IGF1R: variants seen among roughly 807,000 people sequenced by gnomAD.
IGF1R encodes the protein insulin-like growth factor 1 receptor.
IGF1R carries 44 observed loss-of-function variants against 144.6 expected under a neutral mutation model. The observed-to-expected ratio is 0.30, with a 90% CI of 0.24 to 0.39. The LOEUF (loss-of-function observed/expected upper bound fraction) is 0.39. Ranked by LOEUF, IGF1R falls within the 10% of genes least tolerant of loss-of-function variation. The pLI is 1.00. For missense variants in IGF1R, 1,355 were observed against 1,833.7 expected (o/e 0.74, Z 4.77); for synonymous variants, 795 against 722.8 (o/e 1.10, Z -1.60).
chr15:98,823,854 A>G (rs972429668), intron 2 of IGF1R, among the ~76,000 whole-genome samples: 1 of 152,168 alleles, frequency 6.6e-6, no homozygotes, highest in African/African-American at 2.4e-5. Context: ...AACAGCCACC[A>G]CAAAAACAAA....
intron 2 of IGF1R, among the ~76,000 whole-genome samples, chr15:98,780,567 AAAAAAAAAGAGAG>A (rs1203515259): frequency 3.2e-5 from 1 of 30,794 alleles, no homozygotes; most frequent in Non-Finnish European, 3.0e-4. Flanking sequence ...AAAAAAAAAA[AAAAAAAAAGAGAG>A]AGAGAGTAAA....
chr15:98,888,662 G>A (rs1029068896), intron 2 of IGF1R, among the ~76,000 whole-genome samples: 7 of 152,118 alleles, frequency 4.6e-5, no homozygotes, highest in African/African-American at 1.7e-4. Context: ...GAGTCATTGA[G>A]AGCCAATCCT....
chr15:98,808,770 C>G (rs1421169374), intron 2 of IGF1R, among the ~76,000 whole-genome samples: 1 of 150,944 alleles, frequency 6.6e-6, no homozygotes, highest in Non-Finnish European at 1.5e-5. Flanking sequence ...AGCTCAAAGT[C>G]CTGGGCTCAA....
At chr15:98,915,423 C>G (rs186389739) in intron 8 of IGF1R, among the ~76,000 whole-genome samples, 1 of 152,164 alleles carries the variant, frequency 6.6e-6, no homozygotes, top group African/African-American at 2.4e-5. Flanking sequence ...TTGCCTCTCC[C>G]CCATCCCTCT....
At chr15:98,663,516 T>TA (rs1201910535) in intron 1 of IGF1R, among the ~76,000 whole-genome samples, 1 of 152,232 alleles carries the variant, frequency 6.6e-6, no homozygotes, top group Non-Finnish European at 1.5e-5. Context: ...GGGCTAGGGT[T>TA]AAAACCCGTG....
intron 2 of IGF1R, among the ~76,000 whole-genome samples, chr15:98,784,768 A>G (rs1596302908): frequency 6.6e-6 from 1 of 152,290 alleles, no homozygotes; most frequent in East Asian, 1.9e-4. Flanking sequence ...AACTAGTATA[A>G]CAACTTTTTA....
At chr15:98,805,985 G>A (rs558996770) in intron 2 of IGF1R, among the ~76,000 whole-genome samples, 2 of 152,338 alleles carry the variant, frequency 1.3e-5, no homozygotes, top group South Asian at 4.1e-4. Context: ...GATGCGAGTA[G>A]CAGGTATGGG....
intron 15 of IGF1R, among the ~76,000 whole-genome samples, chr15:98,933,781 G>A (rs74032112): frequency 0.015 from 2,241 of 151,572 alleles, 73 homozygotes; most frequent in African/African-American, 0.051. Context: ...CCCTGGAAAC[G>A]CCTCTGCCCG....
chr15:98,756,967 A>G lies in IGF1R; in HGVS notation c.640+48860A>G, dbSNP rs531170728. 3.3e-5 allele frequency among the ~76,000 whole-genome samples: 5 copies of G among 152,308 alleles called. No homozygotes were observed. The South Asian group carries it at 6.2e-4, about 19-fold the overall frequency. The stretch of plus-strand genomic sequence containing the variant: ...AGCTCTGAGGTATCTGAGAGGATTT[A>G]TTAACGTTTACTTGCATCCAAGTAC... On this transcript the variant is annotated intron_variant, in intron 2 of 20. Coordinates refer to ENST00000650285, the MANE Select transcript of IGF1R (RefSeq NM_000875.5).
At chr15:98,787,601 A>T (rs897166368) in intron 2 of IGF1R, among the ~76,000 whole-genome samples, 2 of 151,452 alleles carry the variant, frequency 1.3e-5, no homozygotes, top group Admixed American at 1.3e-4. Context: ...GTCTCTTAAA[A>T]CAGAGACCTT....
chr15:98,687,312 C>G (rs964171566), intron 1 of IGF1R, among the ~76,000 whole-genome samples: 1 of 152,148 alleles, frequency 6.6e-6, no homozygotes, highest in Non-Finnish European at 1.5e-5. Context: ...AGTCTGCACC[C>G]AGGCGAGTGT....
At chr15:98,953,599 G>A (rs72752894) in intron 20 of IGF1R, among the ~76,000 whole-genome samples, 7 of 152,276 alleles carry the variant, frequency 4.6e-5, no homozygotes, top group Non-Finnish European at 1.0e-4. Flanking sequence ...GGGCAGAGGT[G>A]TGAACGCAGC....
chr15:98,940,712 G>T (rs2016334067), intron 18 of IGF1R, among the ~76,000 whole-genome samples: 1 of 152,218 alleles, frequency 6.6e-6, no homozygotes, highest in Admixed American at 6.5e-5. Context: ...GCTGAGAATG[G>T]TTTCTAAAGT....
rs1271731492 is a variant in IGF1R, at chr15:98,963,375, G to GTATC, written c.*5935_*5938dup. On this transcript the variant is annotated 3_prime_UTR_variant, in exon 21 of 21. Coordinates refer to ENST00000650285, the MANE Select transcript of IGF1R (RefSeq NM_000875.5). ...TGATGATGATTTAAAAAGTAGTTCT[G>GTATC]TATCTTCAGTATCTTGGTCTTCCAG... The GTATC allele has an allele frequency of 4.3e-6, 1 of 233,238 alleles. No homozygotes were observed. The highest frequency in any genetic ancestry group is 8.5e-6 in the Non-Finnish European group (1 of 118,038). 14.4% of individuals were successfully genotyped at this position (233,238 alleles called of 1,614,324 possible).
chr15:98,873,058 G>A (rs929654686), intron 2 of IGF1R, among the ~76,000 whole-genome samples: 1 of 152,098 alleles, frequency 6.6e-6, no homozygotes, highest in Non-Finnish European at 1.5e-5. Context: ...CCTCCCTGAA[G>A]GCAAGCCAAG....
Position 98,922,449 on chromosome 15 carries a change from TG to T in IGF1R, c.2485+20del. On this transcript the variant is annotated intron_variant, in intron 11 of 20. Transcript: ENST00000650285. ...GCCCGCAGGTATGGTATGATCCAGC[TG>T]GCCCCATTGCCACCTTCCTCACAAC... 1 of 1,604,522 alleles carries T rather than the reference TG, an allele frequency of 6.2e-7. No individual in the cohort carries two copies. Among genetic ancestry groups the T allele is most frequent in the Non-Finnish European group, 8.5e-7 (1 of 1,179,944 alleles).
chr15:98,934,982 G>T lies in IGF1R; in HGVS notation c.3115G>T (p.Ala1039Ser), dbSNP rs765988181. Residue 1039 changes from alanine to serine, a missense_variant, in exon 16 of 21, where the codon GCA becomes TCA. Ala to Ser is a moderately conservative substitution (Grantham distance 99). Coordinates refer to ENST00000650285, the MANE Select transcript of IGF1R (RefSeq NM_000875.5). ...GGCCATTAAAACAGTGAACGAGGCC[G>T]CAAGCATGCGTGAGAGGATTGAGTT... ...RVAIKTVNEAASMRERIEFLN... is the reference protein window; with the variant it reads ...RVAIKTVNEASSMRERIEFLN... The T allele has an allele frequency of 8.1e-6, 13 of 1,613,996 alleles. No individual in the cohort carries two copies. The highest frequency in any genetic ancestry group is 1.1e-5 in the South Asian group (1 of 91,070).
chr15:98,804,394 T>A (rs1412503433), intron 2 of IGF1R, among the ~76,000 whole-genome samples: 1 of 152,222 alleles, frequency 6.6e-6, no homozygotes, highest in African/African-American at 2.4e-5. Context: ...AGGACTGATT[T>A]GGGACTAAGG....
At chr15:98,953,152 G>C (rs998485419) in intron 20 of IGF1R, 1 of 152,220 alleles carries the variant, frequency 6.6e-6, no homozygotes, top group Non-Finnish European at 1.5e-5. Context: ...GATCTGAACA[G>C]GCACCATCTG....
Sources: allele counts gnomAD v4.1 joint callset (sites outside exome capture counted in the v4.1 genomes callset), GRCh38; gene constraint gnomAD v4.1.1; transcripts MANE v1.5; gene names NCBI Gene and HGNC (gene_info 2026-07-23, HGNC 2026-07-21).